KLRG1: variants seen among roughly 807,000 people sequenced by gnomAD.
The protein encoded by KLRG1 is killer cell lectin like receptor G1, also known as killer cell lectin-like receptor subfamily G member 1.
Under a neutral mutation model 21.8 loss-of-function variants are expected in KLRG1, and 16 were observed. The ratio of observed to expected loss-of-function variants is 0.73; its 90% CI spans 0.50 to 1.11. The LOEUF is 1.11. Among genes scored for constraint, KLRG1 ranks in the 50% most tolerant of loss-of-function variants. The pLI is 0.00. For missense variants in KLRG1, 173 were observed against 218.3 expected (o/e 0.79, Z 1.31); for synonymous variants, 69 against 75.9 (o/e 0.91, Z 0.47).
At chr12:9,098,759 G>A in the KLRG1 span, 5 of 1,612,270 alleles carry the variant, frequency 3.1e-6, no homozygotes, top group Non-Finnish European at 4.2e-6. Flanking sequence ...AAATCCACCT[G>A]TGAAATTGGA....
chr12:9,067,320 A>G, the KLRG1 span: 1 of 202,298 alleles, frequency 4.9e-6, no homozygotes, highest in Middle Eastern at 2.0e-3. Context: ...CATAGGACAC[A>G]TCACTCCCAA....
chr12:9,104,496 GA>G, the KLRG1 span: 1 of 1,310,456 alleles, frequency 7.6e-7, no homozygotes, highest in Non-Finnish European at 1.0e-6. Context: ...CCTCTATGTT[GA>G]ACATGGTTCC....
chr12:9,078,378 T>C, the KLRG1 span, among the ~76,000 whole-genome samples: 20 of 152,356 alleles, frequency 1.3e-4, no homozygotes, highest in African/African-American at 4.6e-4. Context: ...TTTCATTTCT[T>C]TTTATTGCTG....
the KLRG1 span, among the ~76,000 whole-genome samples, chr12:9,024,900 C>T: frequency 3.3e-5 from 5 of 152,038 alleles, no homozygotes; most frequent in African/African-American, 9.7e-5. Flanking sequence ...TCTATATTAG[C>T]ACTGAGAAGG....
chr12:8,959,162 TGC>T (rs1268648129), intron 1 of KLRG1, among the ~76,000 whole-genome samples: 1 of 152,194 alleles, frequency 6.6e-6, no homozygotes, highest in Non-Finnish European at 1.5e-5. Context: ...GCTTGAACTT[TGC>T]TGAAGAATAG....
At chr12:9,090,249 G>A in the KLRG1 span, 7 of 1,532,408 alleles carry the variant, frequency 4.6e-6, no homozygotes, top group Non-Finnish European at 5.4e-6. Flanking sequence ...GAAAAAAATC[G>A]CAGCATCTAG....
intron 1 of KLRG1, among the ~76,000 whole-genome samples, chr12:8,959,239 C>T: frequency 6.6e-6 from 1 of 152,180 alleles, no homozygotes; most frequent in East Asian, 1.9e-4. Context: ...CTTACTGCCC[C>T]AGAGTCTTGT....
chr12:9,148,960 C>T, the KLRG1 span: 5 of 1,605,688 alleles, frequency 3.1e-6, no homozygotes, highest in Non-Finnish European at 4.3e-6. Flanking sequence ...AAATATACAG[C>T]CTGTATGGTC....
chr12:9,127,395 T>A, the KLRG1 span, among the ~76,000 whole-genome samples: 9 of 152,188 alleles, frequency 5.9e-5, no homozygotes, highest in African/African-American at 2.2e-4. Context: ...TCAGCCCTTT[T>A]TTGGGTCCCC....
chr12:9,203,337 C>CTT, the KLRG1 span, among the ~76,000 whole-genome samples: 517 of 114,584 alleles, frequency 4.5e-3, 8 homozygotes, highest in East Asian at 8.0e-3. Context: ...AACTACATTC[C>CTT]TTTTTTTTTT....
chr12:9,001,117 A>G (rs1440983282), intron 3 of KLRG1, among the ~76,000 whole-genome samples: 3 of 152,182 alleles, frequency 2.0e-5, no homozygotes, highest in Non-Finnish European at 2.9e-5. Context: ...TGTTGGTTAC[A>G]TTTTCAAGTA....
At chr12:9,095,013 A>T in the KLRG1 span, 1 of 1,593,112 alleles carries the variant, frequency 6.3e-7, no homozygotes, top group Non-Finnish European at 8.6e-7. Flanking sequence ...CATGCATTTC[A>T]TACTGTTGAA....
intron 1 of KLRG1, among the ~76,000 whole-genome samples, chr12:8,972,316 C>G (rs1456298721): frequency 6.6e-6 from 1 of 152,178 alleles, no homozygotes; most frequent in African/African-American, 2.4e-5. Flanking sequence ...CGCCACCACT[C>G]CTGGCTAATT....
At chr12:8,973,163 G>GAAAAA (rs59760555) in intron 1 of KLRG1, among the ~76,000 whole-genome samples, 4 of 97,034 alleles carry the variant, frequency 4.1e-5, no homozygotes, top group Admixed American at 1.1e-4. Flanking sequence ...CATCTCAAAA[G>GAAAAA]AAAAAAAAAA....
At chr12:9,020,463 T>C in the KLRG1 span, among the ~76,000 whole-genome samples, 2 of 152,220 alleles carry the variant, frequency 1.3e-5, no homozygotes, top group African/African-American at 4.8e-5. Context: ...TGTCACTATA[T>C]ATCAGACAGC....
At chr12:9,091,999 A>T in the KLRG1 span, among the ~76,000 whole-genome samples, 1 of 152,220 alleles carries the variant, frequency 6.6e-6, no homozygotes. Context: ...TGAAAGAAGT[A>T]CTTCAGTACT....
chr12:8,976,725 T>C (rs1164563961), intron 1 of KLRG1, among the ~76,000 whole-genome samples: 1 of 152,192 alleles, frequency 6.6e-6, no homozygotes, highest in African/African-American at 2.4e-5. Context: ...CTTTTTTCTT[T>C]AGAGGATGTT....
chr12:9,141,884 G>A, the KLRG1 span, among the ~76,000 whole-genome samples: 1 of 152,198 alleles, frequency 6.6e-6, no homozygotes, highest in East Asian at 1.9e-4. Flanking sequence ...AACTCCATGT[G>A]TCCTAGGTCT....
At chr12:9,072,532 A>G in the KLRG1 span, 1 of 1,602,870 alleles carries the variant, frequency 6.2e-7, no homozygotes, top group Non-Finnish European at 8.5e-7. Context: ...CTTTCCCAGA[A>G]TTCCTGTCCA....
Sources: gnomAD v4.1 joint callset for allele counts (sites outside exome capture counted in the v4.1 genomes callset) on GRCh38, gnomAD v4.1.1 for gene constraint, MANE v1.5 for transcripts, NCBI Gene and HGNC (gene_info 2026-07-23, HGNC 2026-07-21) for gene names.